The following XPO4 variants were observed in gnomAD, a reference collection of about 807,000 sequenced individuals.
XPO4 encodes exportin-4.
In XPO4, 39 loss-of-function variants were observed where a neutral mutation model predicts 143.0. The ratio of observed to expected loss-of-function variants is 0.27; its 90% CI spans 0.21 to 0.36. The LOEUF is 0.36. XPO4 is among the 10% of genes least tolerant of loss of function. The pLI, the probability that XPO4 is intolerant of heterozygous loss-of-function variation, is 1.00. For synonymous variants in XPO4, 439 were observed against 474.0 expected, an observed-to-expected ratio of 0.93 and a Z score of 0.96; for missense variants, 907 against 1,348.0, an observed-to-expected ratio of 0.67 and a Z score of 5.12.
At chr13:20,872,897 T>C (rs1455022032) in intron 1 of XPO4, among the ~76,000 whole-genome samples, 1 of 152,116 alleles carries the variant, frequency 6.6e-6, no homozygotes, top group African/African-American at 2.4e-5. Flanking sequence ...ATACAGACAT[T>C]AAAGTGTTCT....
chr13:20,861,049 G>A (rs770654381), intron 3 of XPO4, among the ~76,000 whole-genome samples: 1 of 151,906 alleles, frequency 6.6e-6, no homozygotes. Context: ...ATGACAGTAT[G>A]CTCTAAAATT....
At chr13:20,834,748 CAGG>C (rs2059896267) in intron 6 of XPO4, among the ~76,000 whole-genome samples, 1 of 151,382 alleles carries the variant, frequency 6.6e-6, no homozygotes, top group African/African-American at 2.4e-5. Context: ...CACTTGAGCC[CAGG>C]AGAGTTTGAG....
rs2059426688 is a variant in XPO4, at chr13:20,801,098, G to A, written c.1818-108C>T. ...TTTGTCTTTCAGTTCTCTGGATTTA[G>A]GTCAGGCTATACTTGAACATTTCAT... On this transcript the variant is annotated intron_variant, in intron 13 of 22. Coordinates refer to ENST00000255305, the MANE Select transcript of XPO4 (RefSeq NM_022459.5). 2.4e-6 allele frequency: 3 copies of A among 1,264,384 alleles called. No homozygotes were observed. The South Asian group carries it at 4.1e-5, about 17-fold the overall frequency. 78.3% of individuals were successfully genotyped at this position (1,264,384 alleles called of 1,614,324 possible).
At chr13:20,881,933 C>A (rs886386215) in intron 1 of XPO4, among the ~76,000 whole-genome samples, 1 of 151,562 alleles carries the variant, frequency 6.6e-6, no homozygotes, top group South Asian at 2.1e-4. Context: ...CAGGGTGAAA[C>A]CCCGTCTCTA....
chr13:20,825,152 G>C (rs1192050375), intron 7 of XPO4, among the ~76,000 whole-genome samples: 1 of 152,124 alleles, frequency 6.6e-6, no homozygotes. Context: ...CACAATGAAA[G>C]TGGGTTTTTT....
intron 7 of XPO4, among the ~76,000 whole-genome samples, chr13:20,825,213 T>C (rs1321760037): frequency 2.6e-5 from 4 of 152,168 alleles, no homozygotes; most frequent in African/African-American, 9.7e-5. Flanking sequence ...TAAACTTCTA[T>C]AGGGCAGAAT....
At chr13:20,839,623 A>G (rs148575740) in intron 6 of XPO4, among the ~76,000 whole-genome samples, 258 of 152,248 alleles carry the variant, frequency 1.7e-3, no homozygotes, top group Non-Finnish European at 3.1e-3. Context: ...AATCACTTGA[A>G]GCCAGGAGTT....
chr13:20,829,069 G>A (rs936829970), intron 6 of XPO4, among the ~76,000 whole-genome samples: 7 of 152,120 alleles, frequency 4.6e-5, no homozygotes, highest in African/African-American at 1.7e-4. Flanking sequence ...TGAAATAAAT[G>A]TTCTGAGTAA....
intron 2 of XPO4, among the ~76,000 whole-genome samples, chr13:20,864,900 T>C (rs2060231972): frequency 6.6e-6 from 1 of 151,790 alleles, no homozygotes; most frequent in South Asian, 2.1e-4. Flanking sequence ...AAATTCCTAA[T>C]TTAAAAGAAG....
chr13:20,803,250 G>A lies in XPO4; in HGVS notation c.1818-2260C>T, dbSNP rs569428373. Among the ~76,000 whole-genome samples the A allele has an allele frequency of 6.6e-6, 1 of 152,322 alleles. No homozygotes were observed. Among genetic ancestry groups the A allele is most frequent in the South Asian group, 2.1e-4 (1 of 4,830 alleles). On this transcript the variant is annotated intron_variant, in intron 13 of 22. Coordinates refer to ENST00000255305, the MANE Select transcript of XPO4 (RefSeq NM_022459.5). This position sits in a 1 kb window ranked among gnomAD's most constrained non-coding sequence, Gnocchi z 4.1. ...CTCTTGTTATTTAATGCAAAGGACT[G>A]AAACCTGCTAACTGTCCACTCACTA...
intron 6 of XPO4, among the ~76,000 whole-genome samples, chr13:20,835,985 T>A (rs1670016855): frequency 6.6e-6 from 1 of 152,236 alleles, no homozygotes; most frequent in African/African-American, 2.4e-5. Context: ...TTCTCTAACT[T>A]ACTTTAAGAA....
intron 15 of XPO4, among the ~76,000 whole-genome samples, chr13:20,799,726 C>T (rs1262921060): frequency 6.6e-6 from 1 of 152,136 alleles, no homozygotes; most frequent in African/African-American, 2.4e-5. Context: ...AATGATACTC[C>T]TATACAGTAA....
intron 18 of XPO4, among the ~76,000 whole-genome samples, chr13:20,794,798 A>T (rs2059334702): frequency 6.6e-6 from 1 of 152,134 alleles, no homozygotes; most frequent in Non-Finnish European, 1.5e-5. Flanking sequence ...GACCTGAAGA[A>T]AGTTAGAAAA....
At chr13:20,812,404 A>AG (rs1436874941) in intron 9 of XPO4, among the ~76,000 whole-genome samples, 1 of 152,192 alleles carries the variant, frequency 6.6e-6, no homozygotes, top group African/African-American at 2.4e-5. Flanking sequence ...ATCCACATGG[A>AG]GAAAAAAAAT....
rs1202220069 is a variant in XPO4, at chr13:20,782,138, CTGTTAA to C, written c.*1578_*1583del. On this transcript the variant is annotated 3_prime_UTR_variant, in exon 23 of 23. Transcript: ENST00000255305. ...AATTCAGATGCTCCAGTTTTGTTAA[CTGTTAA>C]TAACACAGAATTATACAAAGTTTTG... The C allele has an allele frequency of 6.6e-6, 1 of 152,214 alleles. No homozygotes were observed. The highest frequency in any genetic ancestry group is 2.4e-5 in the African/African-American group (1 of 41,470). 9.4% of individuals were successfully genotyped at this position (152,214 alleles called of 1,614,324 possible).
intron 4 of XPO4, chr13:20,849,192 A>G: frequency 1.0e-6 from 1 of 985,442 alleles, no homozygotes; most frequent in Non-Finnish European, 1.2e-6. Context: ...ATTACCAAGA[A>G]TAAACTTTAT....
At chr13:20,881,943 A>G (rs1487958187) in intron 1 of XPO4, among the ~76,000 whole-genome samples, 2 of 151,832 alleles carry the variant, frequency 1.3e-5, no homozygotes, top group African/African-American at 4.8e-5. Context: ...CCCCGTCTCT[A>G]CTAAAAATAC....
chr13:20,838,618 A>AG lies in XPO4; in HGVS notation c.727+4276_727+4277insC, dbSNP rs1281516370. ...CAGCAAGACTCCATCTCAAAAAAAA[A>AG]AAAAAAAAAAAGAAAGAAATTACAT... On this transcript the variant is annotated intron_variant, in intron 6 of 22. Coordinates refer to ENST00000255305, the MANE Select transcript of XPO4 (RefSeq NM_022459.5). 5.9e-5 allele frequency among the ~76,000 whole-genome samples: 9 copies of AG among 151,300 alleles called. No homozygotes were observed. In the East Asian group the frequency reaches 1.4e-3, roughly 23 times the overall value.
At chr13:20,847,413 C>T (rs987457045) in intron 4 of XPO4, among the ~76,000 whole-genome samples, 4 of 152,020 alleles carry the variant, frequency 2.6e-5, no homozygotes, top group African/African-American at 9.7e-5. Context: ...AAATAAAACT[C>T]CCAAGGGAGA....
Sources: allele counts gnomAD v4.1 joint callset (sites outside exome capture counted in the v4.1 genomes callset), GRCh38; gene constraint gnomAD v4.1.1; non-coding constraint Gnocchi (gnomAD v3.1); transcripts MANE v1.5; gene names NCBI Gene and HGNC (gene_info 2026-07-23, HGNC 2026-07-21).